Variants in ABCB5 observed in about 807,000 individuals in gnomAD.
The protein encoded by ABCB5 is ATP-binding cassette sub-family B member 5.
A neutral mutation model predicts 144.2 loss-of-function variants in ABCB5; 155 were observed. The ratio of observed to expected loss-of-function variants is 1.08; its 90% CI spans 0.94 to 1.23. The LOEUF is 1.23. Ranked by LOEUF, ABCB5 falls within the 50% of genes most tolerant of loss-of-function variation. The pLI, the probability that ABCB5 is intolerant of heterozygous loss-of-function variation, is 0.00. For missense variants in ABCB5, 1,830 were observed against 1,520.8 expected (o/e 1.20, Z -3.38); for synonymous variants, 610 against 528.6 (o/e 1.15, Z -2.11).
At chr7:20,655,073 C>A in intron 13 of ABCB5, among the ~76,000 whole-genome samples, 2 of 146,250 alleles carry the variant, frequency 1.4e-5, no homozygotes, top group African/African-American at 2.6e-5. Context: ...ATAACTGTAG[C>A]AAAGCTGAAA....
At chr7:20,657,548 A>AC (rs1476619133) in intron 13 of ABCB5, among the ~76,000 whole-genome samples, 1 of 152,226 alleles carries the variant, frequency 6.6e-6, no homozygotes, top group African/African-American at 2.4e-5. Context: ...TCATTTACAT[A>AC]AAGTTCTAGA....
intron 4 of ABCB5, among the ~76,000 whole-genome samples, chr7:20,629,552 A>C (rs1394702838): frequency 3.3e-5 from 5 of 152,122 alleles, no homozygotes; most frequent in African/African-American, 1.2e-4. Context: ...ACCTGAGGTC[A>C]GGAGTTCGAT....
chr7:20,710,856 T>C (rs888472553), intron 20 of ABCB5, among the ~76,000 whole-genome samples: 2 of 150,396 alleles, frequency 1.3e-5, no homozygotes, highest in East Asian at 3.9e-4. Flanking sequence ...AGTTTTCCTA[T>C]TTTTCTGCCT....
chr7:20,632,258 G>C (rs1784055866), intron 5 of ABCB5, 145 bp downstream of exon 5: 1 of 553,000 alleles, frequency 1.8e-6, no homozygotes, highest in South Asian at 3.2e-5. Context: ...CTTTCATTAG[G>C]TATATAAAAT....
chr7:20,659,219 T>C, intron 14 of ABCB5: 30 of 1,584,886 alleles, frequency 1.9e-5, no homozygotes, highest in Non-Finnish European at 2.3e-5. Flanking sequence ...CCATATGCAG[T>C]TGTGGCCCTG....
chr7:20,664,983 G>A (rs1785126282), intron 14 of ABCB5, among the ~76,000 whole-genome samples: 1 of 152,112 alleles, frequency 6.6e-6, no homozygotes, highest in Non-Finnish European at 1.5e-5. Flanking sequence ...ATTAAATGAT[G>A]ATAAATAATT....
At chr7:20,747,601 A>G (rs1339376271) in intron 26 of ABCB5, among the ~76,000 whole-genome samples, 1 of 152,106 alleles carries the variant, frequency 6.6e-6, no homozygotes, top group African/African-American at 2.4e-5. Flanking sequence ...TATTCTTTTT[A>G]TTGTACCAGT....
At chr7:20,656,387 C>CA (rs1784792094) in intron 13 of ABCB5, among the ~76,000 whole-genome samples, 1 of 151,820 alleles carries the variant, frequency 6.6e-6, no homozygotes, top group Non-Finnish European at 1.5e-5. Flanking sequence ...GACATGAATC[C>CA]AGAATATATA....
At chr7:20,629,491 A>G (rs1190277220) in intron 4 of ABCB5, among the ~76,000 whole-genome samples, 2 of 152,132 alleles carry the variant, frequency 1.3e-5, no homozygotes, top group Non-Finnish European at 2.9e-5. Context: ...GGCCGGGTGC[A>G]GTGGCTCATG....
In ABCB5 at chr7:20,650,057, A is replaced by T. The variant is rs778671510; in HGVS notation, c.1242A>T (p.Gly414=). Residue 414 remains glycine (G), a synonymous_variant, in exon 12 of 28, where the codon GGA becomes GGT. Coordinates refer to ENST00000404938, the MANE Select transcript of ABCB5 (RefSeq NM_001163941.2). ...GTCTGAATCTCAGAATTAAGTCTGG[A>T]GAGACAGTCGCCTTGGTCGGTCTCA... ...LKGLNLRIKS[G]ETVALVGLNG... 5 of 1,613,468 alleles carry T rather than the reference A, an allele frequency of 3.1e-6. No individual in the cohort carries two copies. The highest frequency in any genetic ancestry group is 4.2e-6 in the Non-Finnish European group (5 of 1,179,612).
At position 20,623,300 on chromosome 7, in the gene ABCB5, A is replaced by C; in HGVS notation, c.15A>C (p.Glu5Asp). The part of the protein sequence containing the change: MENS[E>D]RAEEMQENYQ... The stretch of plus-strand genomic sequence containing the variant: ...TTGTAAATAAGATGGAAAATTCAGA[A>C]AGAGCTGAAGAAATGCAAGAAAATT... Residue 5 changes from glutamate (E) to aspartate (D), a missense_variant, in exon 2 of 28, where the codon GAA (glutamate) becomes GAC (aspartate). Transcript: ENST00000404938. 6.5e-7 allele frequency: 1 copy of C among 1,547,780 alleles called. No individual in the cohort carries two copies. The highest frequency in any genetic ancestry group is 8.7e-7 in the Non-Finnish European group (1 of 1,143,028).
At chr7:20,713,481 C>T (rs1463701150) in intron 20 of ABCB5, among the ~76,000 whole-genome samples, 1 of 149,546 alleles carries the variant, frequency 6.7e-6, no homozygotes, top group Non-Finnish European at 1.5e-5. Context: ...CGTGGTCCTC[C>T]CACCTTAGCC....
At chr7:20,704,075 CTTT>C (rs71020669) in intron 19 of ABCB5, among the ~76,000 whole-genome samples, 2 of 80,770 alleles carry the variant, frequency 2.5e-5, no homozygotes, top group East Asian at 4.7e-4. Context: ...TATTGCCTTC[CTTT>C]TTTTTTTTTT....
intron 17 of ABCB5, among the ~76,000 whole-genome samples, chr7:20,699,519 AG>A (rs1202849171): frequency 2.0e-5 from 3 of 151,948 alleles, no homozygotes; most frequent in Non-Finnish European, 4.4e-5. Context: ...TGCCCAGTAT[AG>A]TGAAACCCCA....
chr7:20,669,091 G>A (rs1396631497), intron 14 of ABCB5, among the ~76,000 whole-genome samples: 8 of 151,140 alleles, frequency 5.3e-5, no homozygotes, highest in Admixed American at 1.3e-4. Flanking sequence ...CGCCCCGTCC[G>A]GGAGGATGGT....
At chr7:20,658,058 T>C (rs1293221699) in intron 13 of ABCB5, among the ~76,000 whole-genome samples, 2 of 152,188 alleles carry the variant, frequency 1.3e-5, no homozygotes, top group African/African-American at 2.4e-5. Context: ...AAGTTTGTTT[T>C]GGTAGCAATT....
Position 20,628,698 on chromosome 7 carries a change from C to T in ABCB5, c.119C>T (p.Ala40Val), listed in dbSNP as rs756447637. 1 of 1,612,502 alleles carries T rather than the reference C, an allele frequency of 6.2e-7. No homozygotes were observed. Among genetic ancestry groups the T allele is most frequent in the Non-Finnish European group, 8.5e-7 (1 of 1,179,270 alleles). The change falls in exon 4 of 28, where the codon GCT becomes GTT. Residue 40 changes from alanine (A) to valine (V), a missense_variant. By Grantham distance (64) the Ala-to-Val change is moderately conservative (BLOSUM62 0). Transcript: ENST00000404938. ...AVGSIEIFRF[A>V]DGLDITLMIL... ...CTTTGTTTTCCTCAGTTCCGCTTTG[C>T]TGATGGACTGGACATCACACTCATG...
chr7:20,699,352 C>T (rs959785353), intron 17 of ABCB5, among the ~76,000 whole-genome samples: 2 of 152,090 alleles, frequency 1.3e-5, no homozygotes, highest in African/African-American at 4.8e-5. Context: ...CAGATGATAG[C>T]ATCATGGTGC....
intron 23 of ABCB5, among the ~76,000 whole-genome samples, chr7:20,737,855 C>T (rs1319900126): frequency 2.6e-5 from 4 of 152,162 alleles, no homozygotes; most frequent in Admixed American, 2.6e-4. Context: ...GCTTTAAACA[C>T]TTTCTGTAAA....
Sources: gnomAD v4.1 joint callset for allele counts (sites outside exome capture counted in the v4.1 genomes callset) on GRCh38, gnomAD v4.1.1 for gene constraint, MANE v1.5 for transcripts, NCBI Gene and HGNC (gene_info 2026-07-23, HGNC 2026-07-21) for gene names.